Variants in ZNF563 observed in about 807,000 individuals in gnomAD.
The protein encoded by ZNF563 is zinc finger protein 563.
ZNF563 carries 39 observed loss-of-function variants against 48.5 expected under a neutral mutation model. The observed-to-expected ratio is 0.80, with a 90% confidence interval of 0.62 to 1.05. The LOEUF is 1.05. Among genes scored for constraint, ZNF563 ranks in the 50% least tolerant of loss-of-function variants. The pLI is 0.00. For missense variants in ZNF563, 538 were observed against 597.0 expected, an observed-to-expected ratio of 0.90 and a Z score of 1.03; for synonymous variants, 168 against 187.9, an observed-to-expected ratio of 0.89 and a Z score of 0.87.
chr19:12,335,996 T>G (rs80011448), upstream of ZNF563, among the ~76,000 whole-genome samples: 7,412 of 152,282 alleles, frequency 0.049, 598 homozygotes, highest in African/African-American at 0.17. Context: ...ATGTTCCCCA[T>G]GGCCTCTGTA....
chr19:12,330,111 G>T (rs890696744), intron 1 of ZNF563, among the ~76,000 whole-genome samples: 7 of 152,016 alleles, frequency 4.6e-5, no homozygotes, highest in Non-Finnish European at 8.8e-5. Context: ...AGTAGAGACG[G>T]GCTTCCCCAT....
At chr19:12,321,358 T>C (rs773380817) in intron 2 of ZNF563, 26 bp from the exon 3 acceptor site, 5 of 1,444,336 alleles carry the variant, frequency 3.5e-6, no homozygotes, top group Non-Finnish European at 4.7e-6. Flanking sequence ...AGAAAATCAC[T>C]ATACATTATT....
chr19:12,338,743 T>A, the ZNF563 span, among the ~76,000 whole-genome samples: 1 of 152,114 alleles, frequency 6.6e-6, no homozygotes, highest in East Asian at 1.9e-4. Flanking sequence ...TCCCAGCTAT[T>A]CGGGAGGCTG....
upstream of ZNF563, among the ~76,000 whole-genome samples, chr19:12,335,674 G>T (rs1218349135): frequency 6.6e-6 from 1 of 152,158 alleles, no homozygotes. Context: ...TTTCAGAGTG[G>T]GTCCTGCCTC....
chr19:12,342,401 C>T, the ZNF563 span, among the ~76,000 whole-genome samples: 1 of 151,872 alleles, frequency 6.6e-6, no homozygotes, highest in South Asian at 2.1e-4. Flanking sequence ...TTAATTCATT[C>T]TTCAACAACC....
In ZNF563 at chr19:12,321,507, C is replaced by T. The variant is rs549115697; in HGVS notation, c.131-175G>A. Among the ~76,000 whole-genome samples, 16 of 152,244 alleles carry T rather than the reference C, an allele frequency of 1.1e-4. No individual in the cohort carries two copies. The East Asian group carries it at 2.1e-3, about 20-fold the overall frequency. Reference sequence around the variant, plus strand: ...TTGCCCAGGCTGGAGTGCAGTGGCACGATCTCGGCTCACAGCAACCTCCGC... The same window carrying T: ...TTGCCCAGGCTGGAGTGCAGTGGCATGATCTCGGCTCACAGCAACCTCCGC... On this transcript the variant is annotated intron_variant, in intron 2 of 3. Coordinates refer to ENST00000293725, the MANE Select transcript of ZNF563 (RefSeq NM_145276.3).
At chr19:12,326,778 A>G (rs554778957) in intron 1 of ZNF563, among the ~76,000 whole-genome samples, 1 of 152,246 alleles carries the variant, frequency 6.6e-6, no homozygotes, top group Non-Finnish European at 1.5e-5. Context: ...AAAGAAGTTT[A>G]TTAGAGAAAA....
At chr19:12,323,778 C>T (rs1452818347) in intron 1 of ZNF563, among the ~76,000 whole-genome samples, 1 of 152,130 alleles carries the variant, frequency 6.6e-6, no homozygotes, top group Non-Finnish European at 1.5e-5. Context: ...TTTTTTGCAA[C>T]TGATTAGTTG....
intron 3 of ZNF563, among the ~76,000 whole-genome samples, chr19:12,320,378 T>C (rs907476247): frequency 6.6e-6 from 1 of 152,202 alleles, no homozygotes; most frequent in Admixed American, 6.5e-5. Context: ...GTATCTTGCT[T>C]TGTCACCAGG....
rs764470980 is a variant in ZNF563 at position 12,318,819 on chromosome 19, A to G, written c.1206T>C (p.Phe402=). The G allele has an allele frequency of 5.0e-6, 8 of 1,614,154 alleles. No individual in the cohort carries two copies. In the South Asian group the frequency reaches 8.8e-5, roughly 18 times the overall value. Residue 402 remains phenylalanine, a synonymous_variant, in exon 4 of 4, where the codon TTT becomes TTC. Transcript: ENST00000293725. The part of the protein sequence containing the change: ...PHKCKICGKA[F]VYPSVCQRHE... ...GTCTTTGACATACACTAGGATAAAC[A>G]AAAGCTTTCCCACATATCTTGCATT... is the stretch of plus-strand genomic sequence containing the variant.
intron 1 of ZNF563, among the ~76,000 whole-genome samples, chr19:12,325,257 A>C: frequency 6.6e-6 from 1 of 152,126 alleles, no homozygotes; most frequent in East Asian, 1.9e-4. Context: ...CAAGGCGGGC[A>C]GATCATGAGG....
intron 2 of ZNF563, 24 bp downstream of exon 2, chr19:12,322,561 G>A (rs1382857077): frequency 1.3e-6 from 2 of 1,571,510 alleles, no homozygotes; most frequent in Admixed American, 1.9e-5. Context: ...AATTGATTAA[G>A]TGAAGACATG....
At chr19:12,336,587 G>A (rs556908867), upstream of ZNF563, among the ~76,000 whole-genome samples, 10 of 152,330 alleles carry the variant, frequency 6.6e-5, no homozygotes, top group Non-Finnish European at 1.0e-4. Context: ...GCGAGACTCC[G>A]TCTCAAAAAC....
chr19:12,343,219 T>C, the ZNF563 span, among the ~76,000 whole-genome samples: 4 of 151,876 alleles, frequency 2.6e-5, no homozygotes, highest in Non-Finnish European at 5.9e-5. Flanking sequence ...AAAGCATTCA[T>C]TGAAAATGAA....
intron 1 of ZNF563, among the ~76,000 whole-genome samples, chr19:12,329,953 T>G (rs1427941867): frequency 6.6e-6 from 1 of 151,716 alleles, no homozygotes; most frequent in African/African-American, 2.4e-5. Context: ...GGAGTTTTGC[T>G]CTTGTTGCCC....
chr19:12,329,483 A>AG (rs1400190691), intron 1 of ZNF563, among the ~76,000 whole-genome samples: 1 of 151,630 alleles, frequency 6.6e-6, no homozygotes, highest in East Asian at 1.9e-4. Flanking sequence ...AAAAAAAAAA[A>AG]AAAAAAGAAA....
chr19:12,343,592 C>A, the ZNF563 span, among the ~76,000 whole-genome samples: 1 of 151,878 alleles, frequency 6.6e-6, no homozygotes, highest in Non-Finnish European at 1.5e-5. Flanking sequence ...TTTGTGGAAA[C>A]AAAATGGAAG....
chr19:12,332,578 T>A (rs1024476116), intron 1 of ZNF563, among the ~76,000 whole-genome samples: 14 of 152,196 alleles, frequency 9.2e-5, no homozygotes, highest in Admixed American at 3.9e-4. Flanking sequence ...CTGGAACTCC[T>A]GTACATGTCT....
intron 1 of ZNF563, among the ~76,000 whole-genome samples, chr19:12,326,681 A>C (rs1968804974): frequency 6.6e-6 from 1 of 152,008 alleles, no homozygotes. Flanking sequence ...AAAACAATTG[A>C]ATCTACCCAT....
Sources: allele counts gnomAD v4.1 joint callset (sites outside exome capture counted in the v4.1 genomes callset), GRCh38; gene constraint gnomAD v4.1.1; transcripts MANE v1.5; gene names NCBI Gene and HGNC (gene_info 2026-07-23, HGNC 2026-07-21).